OSBPL10: variants seen among roughly 807,000 people sequenced by gnomAD.
OSBPL10 encodes the protein oxysterol binding protein like 10.
A neutral mutation model predicts 81.7 loss-of-function variants in OSBPL10; 49 were observed. That is an observed-to-expected ratio of 0.60 (90% CI 0.48 to 0.76). The LOEUF (loss-of-function observed/expected upper bound fraction) is 0.76. OSBPL10 is among the 30% of genes least tolerant of loss of function. OSBPL10 has a pLI of 0.00. For missense variants in OSBPL10, 923 were observed against 987.8 expected (o/e 0.93, Z 0.88); for synonymous variants, 419 against 383.6 (o/e 1.09, Z -1.08).
At chr3:31,917,257 A>G (rs1323003156) in intron 1 of OSBPL10, among the ~76,000 whole-genome samples, 1 of 152,220 alleles carries the variant, frequency 6.6e-6, no homozygotes, top group Non-Finnish European at 1.5e-5. Flanking sequence ...TTCAGTGTCC[A>G]ACTCCACTAG....
At chr3:31,883,096 T>C (rs191795135) in intron 1 of OSBPL10, among the ~76,000 whole-genome samples, 2 of 152,260 alleles carry the variant, frequency 1.3e-5, no homozygotes, top group Non-Finnish European at 1.5e-5. Flanking sequence ...ACAATGCTCA[T>C]GGCAAGTTAG....
intron 2 of OSBPL10, among the ~76,000 whole-genome samples, chr3:32,037,296 T>C (rs1348757732): frequency 6.6e-6 from 1 of 152,206 alleles, no homozygotes; most frequent in Admixed American, 6.5e-5. Flanking sequence ...GTTCTTGAAC[T>C]GGTATTGCAG....
At chr3:31,779,840 T>A (rs948594718) in intron 4 of OSBPL10, among the ~76,000 whole-genome samples, 3 of 152,234 alleles carry the variant, frequency 2.0e-5, no homozygotes, top group Non-Finnish European at 4.4e-5. Flanking sequence ...ATCTAAATTA[T>A]ATCAAGTACT....
At chr3:31,702,220 C>T (rs1695916378) in intron 7 of OSBPL10, 139 bp downstream of exon 7, 6 of 1,031,396 alleles carry the variant, frequency 5.8e-6, no homozygotes, top group Non-Finnish European at 7.0e-6. Context: ...AATATCCATA[C>T]TTGAAAGCAA....
intron 1 of OSBPL10, among the ~76,000 whole-genome samples, chr3:31,929,032 C>T (rs1459910370): frequency 6.6e-6 from 1 of 152,106 alleles, no homozygotes; most frequent in African/African-American, 2.4e-5. Context: ...TTCACACCAG[C>T]TAGAATTAAA....
chr3:31,886,341 G>C (rs946446696), intron 1 of OSBPL10, among the ~76,000 whole-genome samples: 1 of 152,136 alleles, frequency 6.6e-6, no homozygotes, highest in Non-Finnish European at 1.5e-5. Flanking sequence ...GCTCCTCTTA[G>C]TCCTGGTGAG....
chr3:31,830,673 C>G (rs1700217344), intron 3 of OSBPL10, among the ~76,000 whole-genome samples: 1 of 152,210 alleles, frequency 6.6e-6, no homozygotes, highest in Admixed American at 6.5e-5. Flanking sequence ...GGCCTCTCTG[C>G]TGCTCTTATT....
At chr3:31,794,092 G>A (rs1451991138) in intron 4 of OSBPL10, among the ~76,000 whole-genome samples, 1 of 152,172 alleles carries the variant, frequency 6.6e-6, no homozygotes, top group East Asian at 1.9e-4. Context: ...ACAGAAGCAG[G>A]TCTTCAGCCT....
chr3:31,711,083 A>G (rs1252974458), intron 6 of OSBPL10: 1 of 152,228 alleles, frequency 6.6e-6, no homozygotes, highest in Non-Finnish European at 1.5e-5. Flanking sequence ...TCAGACTGTA[A>G]GTTTCAACTC....
intron 4 of OSBPL10, among the ~76,000 whole-genome samples, chr3:31,821,653 AC>A (rs1199026975): frequency 6.6e-6 from 1 of 152,240 alleles, no homozygotes. Context: ...TACTAAAAAT[AC>A]ATTTTATGGT....
intron 4 of OSBPL10, among the ~76,000 whole-genome samples, chr3:31,812,811 A>AAAGAAAGG: frequency 3.4e-5 from 2 of 59,144 alleles, no homozygotes; most frequent in East Asian, 1.5e-3. Context: ...AGAAAGAAAG[A>AAAGAAAGG]AAGAAAGAGA....
At chr3:31,827,224 T>C (rs1200166573) in intron 4 of OSBPL10, among the ~76,000 whole-genome samples, 2 of 152,146 alleles carry the variant, frequency 1.3e-5, no homozygotes, top group African/African-American at 4.8e-5. Context: ...CACCTAATTA[T>C]TTTTCATATC....
At chr3:31,756,077 C>T (rs916415688) in intron 4 of OSBPL10, among the ~76,000 whole-genome samples, 7 of 152,162 alleles carry the variant, frequency 4.6e-5, no homozygotes, top group Non-Finnish European at 7.3e-5. Context: ...ACTTATCGTA[C>T]GGGTCTGTCA....
At chr3:31,857,235 G>A (rs961782189) in intron 3 of OSBPL10, among the ~76,000 whole-genome samples, 14 of 152,202 alleles carry the variant, frequency 9.2e-5, no homozygotes, top group African/African-American at 3.1e-4. Context: ...CCACTCAACA[G>A]AGACTATTAA....
intron 5 of OSBPL10, among the ~76,000 whole-genome samples, chr3:31,743,099 G>A (rs896750930): frequency 1.4e-5 from 2 of 145,248 alleles, no homozygotes; most frequent in African/African-American, 5.2e-5. Flanking sequence ...GGAACGCAGT[G>A]GTGCGATCTC....
intron 10 of OSBPL10, among the ~76,000 whole-genome samples, chr3:31,665,622 A>C (rs1442016977): frequency 6.6e-6 from 1 of 152,244 alleles, no homozygotes; most frequent in Non-Finnish European, 1.5e-5. Context: ...CTGAGAGATA[A>C]GCCAGATCTG....
intron 1 of OSBPL10, among the ~76,000 whole-genome samples, chr3:31,940,838 C>T (rs976124253): frequency 2.0e-5 from 3 of 152,130 alleles, no homozygotes; most frequent in African/African-American, 7.2e-5. Context: ...CGGGGTTTCA[C>T]CATATTGGCC....
chr3:31,875,171 A>G (rs1488159883), intron 3 of OSBPL10, among the ~76,000 whole-genome samples: 1 of 151,990 alleles, frequency 6.6e-6, no homozygotes, highest in Admixed American at 6.6e-5. Flanking sequence ...AGTTATATAT[A>G]CATACACATA....
At position 32,054,526 on chromosome 3, in the gene OSBPL10, C is replaced by CTTTTTT. The variant is rs755489489; in HGVS notation, n.186-7929_186-7924dup. On this transcript the variant is annotated intron_variant and non_coding_transcript_variant, in intron 1 of 3. Transcript: ENST00000479173. Reference sequence around the variant, plus strand: ...ACCAACATTTCCTGGTCAATGGTGGCTTTTTTTTTTTTTTTTTTTTTTTGA... The same window carrying CTTTTTT: ...ACCAACATTTCCTGGTCAATGGTGGCTTTTTTTTTTTTTTTTTTTTTTTTTTTTTGA... Among the ~76,000 whole-genome samples the CTTTTTT allele has an allele frequency of 5.8e-3, 502 of 86,630 alleles. 18 individuals carry two copies. Among genetic ancestry groups the CTTTTTT allele is most frequent in the Admixed American group, 6.3e-3 (33 of 5,234 alleles). The allele number at this position is 86,630 out of a possible 152,430, so 56.8% of individuals were successfully genotyped here.
Sources: gnomAD v4.1 joint callset for allele counts (sites outside exome capture counted in the v4.1 genomes callset) on GRCh38, gnomAD v4.1.1 for gene constraint, MANE v1.5 for transcripts, NCBI Gene and HGNC (gene_info 2026-07-23, HGNC 2026-07-21) for gene names.